The following ADCY8 variants were observed in gnomAD, a reference collection of about 807,000 sequenced individuals.
ADCY8 encodes adenylate cyclase type 8.
Under a neutral mutation model 119.7 loss-of-function variants are expected in ADCY8, and 51 were observed. The observed-to-expected ratio is 0.43, with a 90% CI of 0.34 to 0.54. The LOEUF is 0.54. Among genes scored for constraint, ADCY8 ranks in the 20% least tolerant of loss-of-function variants. The probability of loss-of-function intolerance (pLI) is 0.03; values close to 1 mark genes in which losing one functional copy is unlikely to be tolerated. For synonymous variants in ADCY8, 665 were observed against 651.0 expected (o/e 1.02, Z -0.33); for missense variants, 1,383 against 1,598.8 (o/e 0.87, Z 2.30).
At position 130,943,384 on chromosome 8, in the gene ADCY8, G is replaced by C. The variant is rs77053582; in HGVS notation, c.1320C>G (p.Asn440Lys). The C allele has an allele frequency of 6.3e-7, 1 of 1,580,932 alleles. No homozygotes were observed. The highest frequency in any genetic ancestry group is 8.6e-7 in the Non-Finnish European group (1 of 1,159,076). The change falls in exon 4 of 18, where the codon AAC becomes AAG. Residue 440 changes from asparagine to lysine, a missense_variant. Coordinates refer to ENST00000286355, the MANE Select transcript of ADCY8 (RefSeq NM_001115.3). ...LSAQELVRML[N>K]ELFARFDRLA... ...GTCGATCAAATCTGGCAAAGAGCTC[G>C]TTGAGCATCCTGACCAGCTCCTGAG...
At chr8:130,802,227 A>C (rs1815803126) in intron 14 of ADCY8, among the ~76,000 whole-genome samples, 1 of 152,176 alleles carries the variant, frequency 6.6e-6, no homozygotes, top group African/African-American at 2.4e-5. Context: ...AATCATCAAA[A>C]TGAGAGACCC....
chr8:131,004,292 G>C (rs577395840), intron 1 of ADCY8, among the ~76,000 whole-genome samples: 1 of 152,092 alleles, frequency 6.6e-6, no homozygotes, highest in Non-Finnish European at 1.5e-5. Flanking sequence ...ACCCTCCCCA[G>C]CTTTATCTTT....
In ADCY8 at chr8:130,936,973, G is replaced by A; in HGVS notation, c.1481+100C>T. 2.2e-6 allele frequency: 3 copies of A among 1,390,048 alleles called. No homozygotes were observed. The South Asian group carries it at 5.1e-5, about 24-fold the overall frequency. 86.1% of individuals were successfully genotyped at this position (1,390,048 alleles called of 1,614,324 possible). ...TTTGTGAAATAAGTCAAAAGGTTCT[G>A]CCTTTCACCATACATATGATTTACC... On this transcript the variant is annotated intron_variant, in intron 5 of 17. Coordinates refer to ENST00000286355, the MANE Select transcript of ADCY8 (RefSeq NM_001115.3).
intron 1 of ADCY8, 93 bp downstream of exon 1, chr8:131,039,281 A>G (rs1419247214): frequency 6.5e-7 from 1 of 1,535,538 alleles, no homozygotes; most frequent in East Asian, 2.3e-5. Flanking sequence ...GGAGACTTAA[A>G]GAGAGTGAGG....
Position 131,029,160 on chromosome 8 carries a change from G to A in ADCY8, c.960+10214C>T, listed in dbSNP as rs757149811. On this transcript the variant is annotated intron_variant, in intron 1 of 17. Transcript: ENST00000286355. ...AAACCCTATTGTGAACTGCACATGC[G>A]CGAGATCTAGACTGCAAGCTCCTTA... Among the ~76,000 whole-genome samples, 39 of 151,946 alleles carry A rather than the reference G, an allele frequency of 2.6e-4. 1 individual carries two copies. The highest frequency in any genetic ancestry group is 3.1e-4 in the Non-Finnish European group (21 of 67,942).
chr8:131,039,558 G>A lies in ADCY8; in HGVS notation c.776C>T (p.Ala259Val). ...TWVAMTTQILAAGLGYGLLGD... is the reference protein window; with the variant it reads ...TWVAMTTQILVAGLGYGLLGD... Reference sequence around the variant, plus strand: ...CAGGAGCCCGTAGCCGAGGCCTGCTGCCAGGATCTGGGTGGTCATGGCCAC... The same window carrying A: ...CAGGAGCCCGTAGCCGAGGCCTGCTACCAGGATCTGGGTGGTCATGGCCAC... Residue 259 changes from alanine (A) to valine (V), a missense_variant, in exon 1 of 18, where the codon GCA (alanine) becomes GTA (valine). Coordinates refer to ENST00000286355, the MANE Select transcript of ADCY8 (RefSeq NM_001115.3). 1 of 1,613,750 alleles carries A rather than the reference G, an allele frequency of 6.2e-7. No individual in the cohort carries two copies.
At chr8:130,787,590 T>C (rs143246614) in intron 15 of ADCY8, among the ~76,000 whole-genome samples, 127 of 152,298 alleles carry the variant, frequency 8.3e-4, no homozygotes, top group African/African-American at 3.0e-3. Flanking sequence ...TGTGTATGTC[T>C]ACATGTGTAC....
chr8:130,990,613 T>G (rs1822548516), intron 1 of ADCY8, 71 bp from the exon 2 acceptor site: 1 of 1,553,712 alleles, frequency 6.4e-7, no homozygotes, highest in Admixed American at 1.8e-5. Context: ...AATACACAAA[T>G]AAATATGAAT....
At chr8:130,950,698 C>T (rs748578686) in intron 3 of ADCY8, among the ~76,000 whole-genome samples, 2 of 152,036 alleles carry the variant, frequency 1.3e-5, no homozygotes, top group Non-Finnish European at 2.9e-5. Context: ...CCTTTCAATA[C>T]GTTTATTATT....
intron 7 of ADCY8, among the ~76,000 whole-genome samples, chr8:130,903,557 G>C (rs1819677141): frequency 6.7e-6 from 1 of 149,960 alleles, no homozygotes; most frequent in South Asian, 2.1e-4. Context: ...GAGAGAGAGG[G>C]TGTTAGGAAC....
intron 2 of ADCY8, among the ~76,000 whole-genome samples, chr8:130,974,379 A>G (rs763896999): frequency 6.6e-6 from 1 of 152,220 alleles, no homozygotes; most frequent in Non-Finnish European, 1.5e-5. Flanking sequence ...TGGGCATGGT[A>G]GCCAAGACCT....
At chr8:131,003,206 T>TCTCTCA (rs372048150) in intron 1 of ADCY8, among the ~76,000 whole-genome samples, 8 of 137,584 alleles carry the variant, frequency 5.8e-5, no homozygotes, top group Non-Finnish European at 1.3e-4. Flanking sequence ...TGAAACACCA[T>TCTCTCA]CACACACACA....
intron 5 of ADCY8, among the ~76,000 whole-genome samples, chr8:130,925,655 G>A (rs1045100260): frequency 6.6e-6 from 1 of 152,144 alleles, no homozygotes; most frequent in Non-Finnish European, 1.5e-5. Context: ...ATCACATCCA[G>A]CAATGAATTA....
At chr8:130,881,873 C>T (rs1818787192) in intron 8 of ADCY8, among the ~76,000 whole-genome samples, 1 of 147,986 alleles carries the variant, frequency 6.8e-6, no homozygotes, top group Non-Finnish European at 1.5e-5. Context: ...TGTCCACATT[C>T]AAAGTGTGAA....
At chr8:130,886,216 G>A (rs1199167783) in intron 7 of ADCY8, among the ~76,000 whole-genome samples, 2 of 152,062 alleles carry the variant, frequency 1.3e-5, no homozygotes, top group Admixed American at 1.3e-4. Context: ...CTCTTCTCCA[G>A]CCCTAGAATA....
chr8:131,035,238 T>C (rs1166580715), intron 1 of ADCY8, among the ~76,000 whole-genome samples: 3 of 152,150 alleles, frequency 2.0e-5, no homozygotes, highest in Non-Finnish European at 2.9e-5. Flanking sequence ...AAAGAAACGA[T>C]TGTAGCCCTA....
Position 130,904,048 on chromosome 8 carries a change from T to G in ADCY8, c.1641-6A>C, listed in dbSNP as rs1046892851. The G allele has an allele frequency of 6.2e-7, 1 of 1,609,964 alleles. No homozygotes were observed. Among genetic ancestry groups the G allele is most frequent in the African/African-American group, 1.3e-5 (1 of 75,002 alleles). The stretch of plus-strand genomic sequence containing the variant: ...CTTTGGAAATGTGAATCCTCCTGTG[T>G]GTAGAAGGCATAGGTCATTACACAC... On this transcript the variant is annotated splice_region_variant and splice_polypyrimidine_tract_variant and intron_variant, in intron 6 of 17. Transcript: ENST00000286355.
chr8:130,967,818 A>G (rs1462477285), intron 2 of ADCY8, among the ~76,000 whole-genome samples: 1 of 152,176 alleles, frequency 6.6e-6, no homozygotes. Flanking sequence ...GATTTGTTCA[A>G]TCATTGCTAG....
At chr8:130,953,834 A>T (rs2130664486) in intron 2 of ADCY8, among the ~76,000 whole-genome samples, 1 of 152,336 alleles carries the variant, frequency 6.6e-6, no homozygotes, top group South Asian at 2.1e-4. Context: ...CCATTGAATG[A>T]CATATGATGA....
Sources: allele counts gnomAD v4.1 joint callset (sites outside exome capture counted in the v4.1 genomes callset), GRCh38; gene constraint gnomAD v4.1.1; transcripts MANE v1.5; gene names NCBI Gene and HGNC (gene_info 2026-07-23, HGNC 2026-07-21).